Variants in HTR1F observed in about 807,000 individuals in gnomAD.
The protein encoded by HTR1F is 5-hydroxytryptamine receptor 1F, also known as 5-hydroxytryptamine (serotonin) receptor 1F, G protein-coupled.
In HTR1F, 17 loss-of-function variants were observed where a neutral mutation model predicts 24.0. The observed-to-expected ratio is 0.71, with a 90% CI of 0.48 to 1.06. HTR1F has a LOEUF of 1.06. Ranked by LOEUF, HTR1F falls within the 50% of genes least tolerant of loss-of-function variation. The pLI, the probability that HTR1F is intolerant of heterozygous loss-of-function variation, is 0.00. For synonymous variants in HTR1F, 186 were observed against 156.8 expected, an observed-to-expected ratio of 1.19 and a Z score of -1.39; for missense variants, 391 against 427.8, an observed-to-expected ratio of 0.91 and a Z score of 0.76.
At chr3:87,907,686 C>A (rs1263622783) in intron 2 of HTR1F, among the ~76,000 whole-genome samples, 1 of 151,788 alleles carries the variant, frequency 6.6e-6, no homozygotes, top group Non-Finnish European at 1.5e-5. Flanking sequence ...TCTCAAAAAC[C>A]TACAGCTTAA....
chr3:87,856,495 T>C (rs112069725), intron 2 of HTR1F, among the ~76,000 whole-genome samples: 10 of 152,098 alleles, frequency 6.6e-5, no homozygotes, highest in Non-Finnish European at 2.9e-5. Context: ...TATTTGAACA[T>C]AATTTGAAAG....
At chr3:87,894,935 GT>G (rs1399576922) in intron 2 of HTR1F, among the ~76,000 whole-genome samples, 1 of 152,120 alleles carries the variant, frequency 6.6e-6, no homozygotes, top group African/African-American at 2.4e-5. Flanking sequence ...CACTGTTAGC[GT>G]GACGCCTGGC....
At chr3:87,946,632 T>A (rs1172022899) in intron 2 of HTR1F, among the ~76,000 whole-genome samples, 95 of 139,498 alleles carry the variant, frequency 6.8e-4, no homozygotes, top group Middle Eastern at 3.8e-3. Context: ...TATATATTTT[T>A]TTTTTTTTTT....
chr3:87,952,914 T>G (rs1279935654), intron 2 of HTR1F, among the ~76,000 whole-genome samples: 1 of 151,808 alleles, frequency 6.6e-6, no homozygotes, highest in African/African-American at 2.4e-5. Context: ...AGTTACCTCA[T>G]GTATATTTTC....
chr3:87,941,467 G>A (rs1704566728), intron 2 of HTR1F, among the ~76,000 whole-genome samples: 2 of 152,164 alleles, frequency 1.3e-5, no homozygotes, highest in Non-Finnish European at 2.9e-5. Flanking sequence ...CAGGTAGAGA[G>A]GAAATTTAAG....
chr3:87,944,047 T>A (rs905939863), intron 2 of HTR1F, among the ~76,000 whole-genome samples: 4 of 150,716 alleles, frequency 2.7e-5, no homozygotes, highest in Admixed American at 2.0e-4. Context: ...TAACCACCCA[T>A]GGACCTCTGC....
intron 2 of HTR1F, among the ~76,000 whole-genome samples, chr3:87,887,825 T>A (rs1323029355): frequency 1.3e-5 from 2 of 152,172 alleles, no homozygotes; most frequent in Non-Finnish European, 2.9e-5. Flanking sequence ...AAACAACAGA[T>A]GCTGGAGAGG....
chr3:87,832,281 T>C (rs966574259), intron 2 of HTR1F, among the ~76,000 whole-genome samples: 1 of 151,726 alleles, frequency 6.6e-6, no homozygotes, highest in African/African-American at 2.4e-5. Flanking sequence ...TAATATGTAT[T>C]ATACACACAA....
intron 2 of HTR1F, among the ~76,000 whole-genome samples, chr3:87,874,633 GA>G (rs34554143): frequency 0.21 from 27,530 of 134,030 alleles, 4,303 homozygotes; most frequent in African/African-American, 0.45. Flanking sequence ...TGCAAAAATA[GA>G]AAAAAAAAAA....
intron 1 of HTR1F, among the ~76,000 whole-genome samples, chr3:87,799,388 T>C (rs1376597211): frequency 6.6e-6 from 1 of 152,138 alleles, no homozygotes; most frequent in Non-Finnish European, 1.5e-5. Flanking sequence ...TATTTTAAAA[T>C]AGCAATAAAT....
intron 2 of HTR1F, among the ~76,000 whole-genome samples, chr3:87,847,648 A>G (rs1704975350): frequency 6.6e-6 from 1 of 151,732 alleles, no homozygotes; most frequent in Non-Finnish European, 1.5e-5. Flanking sequence ...CTTCTATCTA[A>G]TGATATCTTT....
At chr3:87,794,287 C>A (rs1703866580) in intron 1 of HTR1F, among the ~76,000 whole-genome samples, 1 of 152,130 alleles carries the variant, frequency 6.6e-6, no homozygotes, top group South Asian at 2.1e-4. Flanking sequence ...ATAAACAGGT[C>A]CAAGCATCAC....
At chr3:87,889,501 A>G (rs1156395) in intron 2 of HTR1F, among the ~76,000 whole-genome samples, 67,771 of 151,986 alleles carry the variant, frequency 0.45, 18,738 homozygotes, top group African/African-American at 0.79. Context: ...TAAGCATAGA[A>G]AACATCTCTT....
intron 2 of HTR1F, among the ~76,000 whole-genome samples, chr3:87,944,945 A>G (rs113850098): frequency 0.035 from 5,374 of 152,282 alleles, 296 homozygotes; most frequent in African/African-American, 0.12. Flanking sequence ...TTACAGGGTC[A>G]CGGAGAAGAC....
At chr3:87,962,457 C>T (rs1705082718) in intron 2 of HTR1F, among the ~76,000 whole-genome samples, 1 of 151,970 alleles carries the variant, frequency 6.6e-6, no homozygotes, top group Non-Finnish European at 1.5e-5. Context: ...AATTTATGCA[C>T]AACAGAGACG....
intron 2 of HTR1F, among the ~76,000 whole-genome samples, chr3:87,883,868 T>A (rs1341392666): frequency 4.6e-5 from 7 of 152,172 alleles, no homozygotes. Context: ...CTATGTTTGA[T>A]TGGTGCACCT....
At chr3:87,834,742 T>A (rs73145248) in intron 2 of HTR1F, among the ~76,000 whole-genome samples, 8,848 of 152,244 alleles carry the variant, frequency 0.058, 364 homozygotes, top group Non-Finnish European at 0.091. Context: ...ATTTCAAAAT[T>A]GTTTTAAAAA....
At chr3:87,846,678 C>T in intron 2 of HTR1F, among the ~76,000 whole-genome samples, 1 of 151,862 alleles carries the variant, frequency 6.6e-6, no homozygotes, top group South Asian at 2.1e-4. Flanking sequence ...AGTGCTGGAA[C>T]TGGGAAGAGG....
chr3:87,870,254 T>C (rs1705525724), intron 2 of HTR1F, among the ~76,000 whole-genome samples: 1 of 152,114 alleles, frequency 6.6e-6, no homozygotes, highest in South Asian at 2.1e-4. Context: ...CCACAAGTTA[T>C]CATTATATCT....
Sources: gnomAD v4.1 joint callset for allele counts (sites outside exome capture counted in the v4.1 genomes callset) on GRCh38, gnomAD v4.1.1 for gene constraint, MANE v1.5 for transcripts, NCBI Gene and HGNC (gene_info 2026-07-23, HGNC 2026-07-21) for gene names.